CEP63: variants seen among roughly 807,000 people sequenced by gnomAD.
The protein encoded by CEP63 is centrosomal protein 63, also known as centrosomal protein of 63 kDa.
A neutral mutation model predicts 89.1 loss-of-function variants in CEP63; 84 were observed. The ratio of observed to expected loss-of-function variants is 0.94; its 90% confidence interval spans 0.79 to 1.13. The LOEUF (loss-of-function observed/expected upper bound fraction) is 1.13, where lower values mean the gene tolerates loss of function less well. CEP63 is among the 50% of genes most tolerant of loss of function. The pLI, the probability that CEP63 is intolerant of heterozygous loss-of-function variation, is 0.00. For synonymous variants in CEP63, 267 were observed against 272.5 expected, an observed-to-expected ratio of 0.98 and a Z score of 0.20; for missense variants, 838 against 813.3, an observed-to-expected ratio of 1.03 and a Z score of -0.37.
the CEP63 span, among the ~76,000 whole-genome samples, chr3:134,720,710 C>T: frequency 1.3e-5 from 2 of 152,084 alleles, no homozygotes; most frequent in Non-Finnish European, 2.9e-5. Flanking sequence ...ATCCAGTTTT[C>T]CCAGCACCAT....
At chr3:134,658,983 C>T in the CEP63 span, among the ~76,000 whole-genome samples, 1 of 152,170 alleles carries the variant, frequency 6.6e-6, no homozygotes, top group East Asian at 1.9e-4. Flanking sequence ...ATTGATTTTC[C>T]ATATTTTTCT....
chr3:134,486,497 C>T, intron 1 of CEP63: 1 of 985,782 alleles, frequency 1.0e-6, no homozygotes, highest in Non-Finnish European at 1.2e-6. Flanking sequence ...TTCGGCCCCG[C>T]CAGGTGGTCA....
In CEP63 at chr3:134,531,946, A is replaced by G. The variant is rs1247725925; in HGVS notation, c.318+6A>G. The stretch of plus-strand genomic sequence containing the variant: ...TGAAGAAACTACATGAAGAAGTGAG[A>G]TTTTAGTTTTGTTAAATGTTGTGTG... On this transcript the variant is annotated splice_donor_region_variant and intron_variant, in intron 4 of 14. Transcript: ENST00000675561. 6.3e-7 allele frequency: 1 copy of G among 1,597,218 alleles called. No individual in the cohort carries two copies. The highest frequency in any genetic ancestry group is 1.7e-5 in the Admixed American group (1 of 59,938).
intron 2 of CEP63, among the ~76,000 whole-genome samples, chr3:134,506,037 A>G (rs1220791299): frequency 6.6e-6 from 1 of 152,172 alleles, no homozygotes; most frequent in Non-Finnish European, 1.5e-5. Flanking sequence ...TTGTTTGCCT[A>G]CATCCTATCT....
At chr3:134,518,988 G>T (rs563424325) in intron 3 of CEP63, among the ~76,000 whole-genome samples, 74 of 151,984 alleles carry the variant, frequency 4.9e-4, no homozygotes, top group Non-Finnish European at 9.4e-4. Context: ...AATAGTAAAG[G>T]GGTTATAAAA....
chr3:134,574,190 C>T (rs979932010), intron 11 of CEP63, among the ~76,000 whole-genome samples: 1 of 152,154 alleles, frequency 6.6e-6, no homozygotes, highest in South Asian at 2.1e-4. Context: ...CTGTGTGCTC[C>T]AAGATAATTG....
the CEP63 span, among the ~76,000 whole-genome samples, chr3:134,598,210 C>T: frequency 1.3e-5 from 2 of 152,208 alleles, no homozygotes; most frequent in Non-Finnish European, 2.9e-5. Context: ...GGGTGTAAAA[C>T]ACCCCTCGTT....
chr3:134,659,282 T>C, the CEP63 span, among the ~76,000 whole-genome samples: 4 of 152,208 alleles, frequency 2.6e-5, no homozygotes, highest in Non-Finnish European at 4.4e-5. Flanking sequence ...AAATGCCCCT[T>C]GCATATTCCT....
At chr3:134,760,183 C>T in the CEP63 span, among the ~76,000 whole-genome samples, 3 of 151,764 alleles carry the variant, frequency 2.0e-5, no homozygotes, top group Non-Finnish European at 2.9e-5. Flanking sequence ...CTCAGCCTCC[C>T]GCGTAGCTGG....
At chr3:134,555,875 A>G (rs1230172943) in intron 12 of CEP63, among the ~76,000 whole-genome samples, 1 of 152,244 alleles carries the variant, frequency 6.6e-6, no homozygotes, top group East Asian at 1.9e-4. Context: ...TTCAAACTAT[A>G]CTACAAGGCT....
the CEP63 span, among the ~76,000 whole-genome samples, chr3:134,611,181 T>C: frequency 6.6e-6 from 1 of 152,252 alleles, no homozygotes; most frequent in African/African-American, 2.4e-5. Context: ...CCAGTCAACC[T>C]GAGCTTTGGG....
the CEP63 span, among the ~76,000 whole-genome samples, chr3:134,638,096 T>G: frequency 2.0e-5 from 3 of 152,228 alleles, no homozygotes; most frequent in African/African-American, 7.2e-5. Flanking sequence ...CTCCCTGATC[T>G]GCATGGGAGT....
intron 1 of CEP63, among the ~76,000 whole-genome samples, chr3:134,488,529 A>G (rs1402843774): frequency 6.6e-6 from 1 of 151,714 alleles, no homozygotes; most frequent in Non-Finnish European, 1.5e-5. Flanking sequence ...GAATCACGTG[A>G]ATCCGGGAGG....
intron 11 of CEP63, among the ~76,000 whole-genome samples, chr3:134,572,873 A>G (rs1237967404): frequency 6.6e-6 from 1 of 152,228 alleles, no homozygotes; most frequent in Non-Finnish European, 1.5e-5. Flanking sequence ...ATTCTCACCA[A>G]CAGTGTATAA....
chr3:134,692,323 T>C, the CEP63 span, among the ~76,000 whole-genome samples: 1 of 151,754 alleles, frequency 6.6e-6, no homozygotes, highest in Non-Finnish European at 1.5e-5. Context: ...AGTGTTCTCA[T>C]TGTTCAATTC....
At position 134,563,199 on chromosome 3, in the gene CEP63, G is replaced by C. The variant is rs957822525; in HGVS notation, c.*1664G>C. 1 of 152,218 alleles carries C rather than the reference G, an allele frequency of 6.6e-6. No individual in the cohort carries two copies. The highest frequency in any genetic ancestry group is 1.5e-5 in the Non-Finnish European group (1 of 68,124). 9.4% of individuals were successfully genotyped at this position (152,218 alleles called of 1,614,324 possible). On this transcript the variant is annotated 3_prime_UTR_variant, in exon 15 of 15. Transcript: ENST00000675561. ...CACATCCGCATATCCAGTCATTTGG[G>C]AGGTCCTGTCATTTCTTCCCCCAGA...
At chr3:134,598,803 C>A in the CEP63 span, among the ~76,000 whole-genome samples, 2 of 152,182 alleles carry the variant, frequency 1.3e-5, no homozygotes, top group African/African-American at 4.8e-5. Flanking sequence ...AGAGAAGTAA[C>A]TCCAGTTTAG....
intron 1 of CEP63, among the ~76,000 whole-genome samples, chr3:134,493,512 GTAA>G (rs1396854551): frequency 3.3e-5 from 5 of 151,872 alleles, no homozygotes; most frequent in African/African-American, 1.2e-4. Flanking sequence ...CAATTTTGGT[GTAA>G]TATGTAGGAT....
chr3:134,671,385 G>A, the CEP63 span, among the ~76,000 whole-genome samples: 6 of 152,346 alleles, frequency 3.9e-5, no homozygotes, highest in East Asian at 5.8e-4. Flanking sequence ...TATTGGGTAC[G>A]ATGTTCATTA....
Sources: gnomAD v4.1 joint callset for allele counts (sites outside exome capture counted in the v4.1 genomes callset) on GRCh38, gnomAD v4.1.1 for gene constraint, MANE v1.5 for transcripts, NCBI Gene and HGNC (gene_info 2026-07-23, HGNC 2026-07-21) for gene names.